CHCHD3: variants seen among roughly 807,000 people sequenced by gnomAD.
CHCHD3 encodes coiled-coil-helix-coiled-coil-helix domain containing 3, also known as MICOS complex subunit MIC19.
In CHCHD3, 20 loss-of-function variants were observed where a neutral mutation model predicts 38.2. The ratio of observed to expected loss-of-function variants is 0.52; its 90% CI spans 0.37 to 0.76. CHCHD3 has a LOEUF of 0.76. Ranked by LOEUF, CHCHD3 falls within the 30% of genes least tolerant of loss-of-function variation. The pLI, the probability that CHCHD3 is intolerant of heterozygous loss-of-function variation, is 0.00. For missense variants in CHCHD3, 245 were observed against 279.2 expected, an observed-to-expected ratio of 0.88 and a Z score of 0.87; for synonymous variants, 82 against 100.0, an observed-to-expected ratio of 0.82 and a Z score of 1.07.
chr7:133,039,089 T>A (rs746240589), intron 2 of CHCHD3, among the ~76,000 whole-genome samples: 2 of 152,236 alleles, frequency 1.3e-5, no homozygotes, highest in African/African-American at 2.4e-5. Flanking sequence ...GACTTTAGTG[T>A]CTCTAGTGAA....
chr7:132,859,253 T>C (rs1477953082), intron 5 of CHCHD3, among the ~76,000 whole-genome samples: 1 of 152,142 alleles, frequency 6.6e-6, no homozygotes, highest in Non-Finnish European at 1.5e-5. Flanking sequence ...TCTAATTATA[T>C]ATTTTACTTA....
intron 4 of CHCHD3, chr7:132,973,724 G>A (rs1480141501): frequency 2.6e-5 from 27 of 1,028,034 alleles, no homozygotes; most frequent in African/African-American, 3.4e-5. Context: ...GTTTGCAGCT[G>A]GTCATGGGTT....
chr7:133,061,063 A>C (rs1165907039), intron 2 of CHCHD3, among the ~76,000 whole-genome samples: 1 of 152,150 alleles, frequency 6.6e-6, no homozygotes, highest in Non-Finnish European at 1.5e-5. Context: ...AGATTCCCAG[A>C]GAAGACTCGA....
At chr7:132,870,567 A>C (rs1808742581) in intron 5 of CHCHD3, among the ~76,000 whole-genome samples, 1 of 151,610 alleles carries the variant, frequency 6.6e-6, no homozygotes, top group South Asian at 2.1e-4. Context: ...TAATCTCCAC[A>C]TCCCCAAGGA....
rs201547731 is a variant in CHCHD3 at position 132,818,681 on chromosome 7, C to CA, written c.524+19717dup. Among the ~76,000 whole-genome samples, 476 of 151,010 alleles carry CA rather than the reference C, an allele frequency of 3.2e-3. 1 individual carries two copies. Among genetic ancestry groups the CA allele is most frequent in the African/African-American group, 0.011 (446 of 41,162 alleles). On this transcript the variant is annotated intron_variant, in intron 6 of 7. Coordinates refer to ENST00000262570, the MANE Select transcript of CHCHD3 (RefSeq NM_017812.4). ...ATAAATCTGTCTACATGAACAGAAG[C>CA]AAAAAAAACAGTCCTTAAAAATAGC...
chr7:132,958,789 C>A (rs1305893802), intron 4 of CHCHD3, among the ~76,000 whole-genome samples: 1 of 152,204 alleles, frequency 6.6e-6, no homozygotes, highest in African/African-American at 2.4e-5. Flanking sequence ...AATCTGTGAG[C>A]ACAGGTAAGT....
At chr7:132,947,432 C>A (rs1810926795) in intron 4 of CHCHD3, among the ~76,000 whole-genome samples, 1 of 151,668 alleles carries the variant, frequency 6.6e-6, no homozygotes, top group South Asian at 2.1e-4. Context: ...TTCTGATGGC[C>A]AGTAAGCATG....
At chr7:133,077,057 G>A (rs1815011129) in intron 1 of CHCHD3, among the ~76,000 whole-genome samples, 1 of 93,092 alleles carries the variant, frequency 1.1e-5, no homozygotes, top group Non-Finnish European at 2.9e-5. Context: ...CTCCCAAATA[G>A]TTAGTTAAGA....
chr7:132,975,922 G>A (rs1226956156), intron 3 of CHCHD3, among the ~76,000 whole-genome samples: 27 of 86,956 alleles, frequency 3.1e-4, no homozygotes, highest in Middle Eastern at 5.1e-3. Flanking sequence ...ATGAGACTCC[G>A]TTTAAAAAAA....
At chr7:133,007,229 T>C (rs1812723810) in intron 3 of CHCHD3, among the ~76,000 whole-genome samples, 1 of 152,150 alleles carries the variant, frequency 6.6e-6, no homozygotes, top group Non-Finnish European at 1.5e-5. Context: ...CAGACCAGGC[T>C]AATAAAGAAT....
rs895175600 is a variant in CHCHD3 at position 132,943,481 on chromosome 7, T to C, written c.369+31688A>G. Among the ~76,000 whole-genome samples, 12 of 152,152 alleles carry C rather than the reference T, an allele frequency of 7.9e-5. No individual in the cohort carries two copies. In the South Asian group the frequency reaches 1.2e-3, roughly 16 times the overall value. ...GACAACTCTAAAGAGAATAGATAAA[T>C]TACTTATTCAAAAAGCTACTACTGG... On this transcript the variant is annotated intron_variant, in intron 4 of 7. Transcript: ENST00000262570.
intron 5 of CHCHD3, among the ~76,000 whole-genome samples, chr7:132,866,319 C>T (rs1032574941): frequency 2.9e-4 from 44 of 152,132 alleles, no homozygotes; most frequent in Admixed American, 2.6e-3. Context: ...ACTATTCCCG[C>T]GACCTTGGAT....
chr7:133,072,846 C>T (rs1007452723), intron 1 of CHCHD3, among the ~76,000 whole-genome samples: 8 of 151,376 alleles, frequency 5.3e-5, no homozygotes, highest in African/African-American at 1.7e-4. Flanking sequence ...AAAAAAGATC[C>T]CACTCAAACA....
chr7:132,862,379 C>T (rs770264926), intron 5 of CHCHD3, among the ~76,000 whole-genome samples: 4 of 152,186 alleles, frequency 2.6e-5, no homozygotes, highest in African/African-American at 4.8e-5. Flanking sequence ...TTTCCCAGTG[C>T]GTATAAAAGT....
chr7:132,966,609 A>G (rs1562924051), intron 4 of CHCHD3, among the ~76,000 whole-genome samples: 1 of 152,192 alleles, frequency 6.6e-6, no homozygotes, highest in Non-Finnish European at 1.5e-5. Flanking sequence ...TGTAATACTG[A>G]ATTCACTAAA....
chr7:132,917,910 T>G (rs1206213035), intron 4 of CHCHD3, among the ~76,000 whole-genome samples: 1 of 146,152 alleles, frequency 6.8e-6, no homozygotes, highest in Non-Finnish European at 1.5e-5. Flanking sequence ...GAGCATCAAA[T>G]TATATACATA....
intron 4 of CHCHD3, among the ~76,000 whole-genome samples, chr7:132,966,486 G>T (rs1811467334): frequency 6.6e-6 from 1 of 152,326 alleles, no homozygotes. Flanking sequence ...ATACAGAGCT[G>T]TGATATTCAA....
chr7:132,811,598 T>C (rs1021258878), intron 6 of CHCHD3, among the ~76,000 whole-genome samples: 1 of 152,212 alleles, frequency 6.6e-6, no homozygotes, highest in Non-Finnish European at 1.5e-5. Flanking sequence ...AACTGTTGGA[T>C]AGAACTGCTC....
chr7:133,031,315 T>C (rs1007641491), intron 2 of CHCHD3, among the ~76,000 whole-genome samples: 3 of 152,040 alleles, frequency 2.0e-5, no homozygotes, highest in African/African-American at 4.8e-5. Flanking sequence ...ACATTTTAGA[T>C]AGATCCTTGA....
Sources: allele counts gnomAD v4.1 joint callset (sites outside exome capture counted in the v4.1 genomes callset), GRCh38; gene constraint gnomAD v4.1.1; transcripts MANE v1.5; gene names NCBI Gene and HGNC (gene_info 2026-07-23, HGNC 2026-07-21).